The following SLC35A5 variants were observed in gnomAD, a reference collection of about 807,000 sequenced individuals.
The protein encoded by SLC35A5 is UDP-sugar transporter protein SLC35A5.
SLC35A5 carries 28 observed loss-of-function variants against 36.3 expected under a neutral mutation model. The ratio of observed to expected loss-of-function variants is 0.77; its 90% CI spans 0.57 to 1.06. The LOEUF is 1.06. Among genes scored for constraint, SLC35A5 ranks in the 50% least tolerant of loss-of-function variants. The pLI is 0.00. For synonymous variants in SLC35A5, 180 were observed against 173.7 expected (o/e 1.04, Z -0.29); for missense variants, 521 against 499.3 (o/e 1.04, Z -0.41).
chr3:112,582,548 A>G, intron 6 of SLC35A5, 123 bp from the exon 7 acceptor site: 1 of 615,340 alleles, frequency 1.6e-6, no homozygotes, highest in South Asian at 2.4e-5. Context: ...TATTTATTTA[A>G]TTTGACCAGA....
Position 112,569,281 on chromosome 3 carries a change from A to C in SLC35A5, c.229+12A>C. 1.0e-5 allele frequency: 16 copies of C among 1,605,402 alleles called. No homozygotes were observed. The highest frequency in any genetic ancestry group is 1.3e-5 in the Non-Finnish European group (15 of 1,172,562). On this transcript the variant is annotated intron_variant, in intron 3 of 6. Transcript: ENST00000492406. ...TGTTATAAAGAAAGGTAAGTCTTGA[A>C]ATGGTACTATATACTTGTTAATCAT...
intron 5 of SLC35A5, among the ~76,000 whole-genome samples, chr3:112,576,884 CTTT>C (rs1280069928): frequency 7.9e-5 from 12 of 152,072 alleles, no homozygotes; most frequent in Non-Finnish European, 1.6e-4. Flanking sequence ...ATTTGATGGT[CTTT>C]TTGCCCTTTG....
At position 112,569,380 on chromosome 3, in the gene SLC35A5, A is replaced by C; in HGVS notation, c.229+111A>C. The C allele has an allele frequency of 3.8e-6, 3 of 783,886 alleles. No homozygotes were observed. The South Asian group carries it at 5.0e-5, about 13-fold the overall frequency. 48.6% of individuals were successfully genotyped at this position (783,886 alleles called of 1,614,324 possible). ...TTAGTCCATTAAATTTTATATGAGGAAGCTAAGATACAAACATAAGTATGT... is the reference window on the plus strand; with the variant it reads ...TTAGTCCATTAAATTTTATATGAGGCAGCTAAGATACAAACATAAGTATGT... On this transcript the variant is annotated intron_variant, in intron 3 of 6. Coordinates refer to ENST00000492406, the MANE Select transcript of SLC35A5 (RefSeq NM_017945.5).
chr3:112,581,039 G>A lies in SLC35A5; in HGVS notation c.922G>A (p.Ala308Thr), dbSNP rs1043003748. ...FFYGHSAFSV[A>T]LIFVTAFQGL... ...TTATGGCCACAGTGCATTTTCAGTA[G>A]CCCTTATTTTTGTAACTGCATTCCA... is the stretch of plus-strand genomic sequence containing the variant. The change falls in exon 6 of 7, where the codon GCC becomes ACC. Residue 308 changes from alanine to threonine, a missense_variant. Ala to Thr is a moderately conservative substitution (Grantham distance 58). Coordinates refer to ENST00000492406, the MANE Select transcript of SLC35A5 (RefSeq NM_017945.5). 1.2e-6 allele frequency: 2 copies of A among 1,613,890 alleles called. No individual in the cohort carries two copies. Among genetic ancestry groups the A allele is most frequent in the Non-Finnish European group, 1.7e-6 (2 of 1,179,960 alleles).
chr3:112,565,020 CAT>C (rs893316203), intron 2 of SLC35A5, among the ~76,000 whole-genome samples: 1 of 152,198 alleles, frequency 6.6e-6, no homozygotes, highest in Non-Finnish European at 1.5e-5. Context: ...ATTGAGGACA[CAT>C]ACAATCATGA....
At chr3:112,570,910 A>AC (rs957085574) in intron 4 of SLC35A5, among the ~76,000 whole-genome samples, 1 of 152,128 alleles carries the variant, frequency 6.6e-6, no homozygotes, top group Non-Finnish European at 1.5e-5. Flanking sequence ...TGCTCCCTAG[A>AC]CCAAGAAATC....
chr3:112,573,426 T>A (rs1459895651), intron 4 of SLC35A5, among the ~76,000 whole-genome samples: 1 of 152,162 alleles, frequency 6.6e-6, no homozygotes, highest in African/African-American at 2.4e-5. Context: ...TTACTGCAGT[T>A]CAACCAGGAA....
At chr3:112,578,056 A>G (rs1934745589) in intron 5 of SLC35A5, among the ~76,000 whole-genome samples, 1 of 152,238 alleles carries the variant, frequency 6.6e-6, no homozygotes, top group South Asian at 2.1e-4. Flanking sequence ...AATCATATAC[A>G]TAAGTATATA....
At chr3:112,561,646 G>A (rs1188584936), upstream of SLC35A5, 12 of 1,042,402 alleles carry the variant, frequency 1.2e-5, no homozygotes, top group East Asian at 1.4e-4. Flanking sequence ...CCGGCTGGCA[G>A]CACCCGAGGG....
chr3:112,574,035 G>C, intron 5 of SLC35A5, 79 bp downstream of exon 5: 1 of 1,246,258 alleles, frequency 8.0e-7, no homozygotes, highest in Non-Finnish European at 1.2e-6. Context: ...CCAGAACACT[G>C]AGCCGTCAGA....
rs1934322948 is a variant in SLC35A5 at position 112,569,164 on chromosome 3, A to G, written c.131-7A>G. The G allele has an allele frequency of 1.2e-6, 2 of 1,605,376 alleles. No individual in the cohort carries two copies. Among genetic ancestry groups the G allele is most frequent in the South Asian group, 1.1e-5 (1 of 90,594 alleles). ...TATAGTTAAAAAACATTTCTGTTAC[A>G]TTTCAGAAAACAAGTATGATTATCT... On this transcript the variant is annotated splice_region_variant and splice_polypyrimidine_tract_variant and intron_variant, in intron 2 of 6. Transcript: ENST00000492406.
chr3:112,566,876 G>C (rs1017154657), intron 2 of SLC35A5, among the ~76,000 whole-genome samples: 1 of 152,154 alleles, frequency 6.6e-6, no homozygotes, highest in Non-Finnish European at 1.5e-5. Context: ...TTTCAGATGC[G>C]AGAGTTTTGA....
At chr3:112,564,249 T>C (rs1384886932) in intron 2 of SLC35A5, 1 of 152,116 alleles carries the variant, frequency 6.6e-6, no homozygotes, top group African/African-American at 2.4e-5. Flanking sequence ...TCCATTAGTA[T>C]TTATTGATCA....
At position 112,569,151 on chromosome 3, in the gene SLC35A5, A is replaced by G; in HGVS notation, c.131-20A>G. The G allele has an allele frequency of 1.9e-6, 3 of 1,577,720 alleles. No individual in the cohort carries two copies. The highest frequency in any genetic ancestry group is 2.6e-6 in the Non-Finnish European group (3 of 1,148,292). On this transcript the variant is annotated intron_variant, in intron 2 of 6. Coordinates refer to ENST00000492406, the MANE Select transcript of SLC35A5 (RefSeq NM_017945.5). ...ATGGAATAAAATATATAGTTAAAAAACATTTCTGTTACATTTCAGAAAACA... is the reference window on the plus strand; with the variant it reads ...ATGGAATAAAATATATAGTTAAAAAGCATTTCTGTTACATTTCAGAAAACA...
At chr3:112,567,102 T>G (rs1934230426) in intron 2 of SLC35A5, among the ~76,000 whole-genome samples, 1 of 151,910 alleles carries the variant, frequency 6.6e-6, no homozygotes, top group South Asian at 2.1e-4. Flanking sequence ...GGCGGGCACC[T>G]GTAGTCCCAG....
intron 3 of SLC35A5, 109 bp from the exon 4 acceptor site, chr3:112,570,431 G>A (rs535119067): frequency 1.4e-5 from 18 of 1,270,900 alleles, no homozygotes; most frequent in South Asian, 9.4e-5. Context: ...ATGGAGGCAC[G>A]TTTATAAAGC....
rs963968049 is a variant in SLC35A5, at chr3:112,585,071, C to T, written c.*2335C>T. 1.3e-5 allele frequency: 2 copies of T among 151,356 alleles called. No individual in the cohort carries two copies. Among genetic ancestry groups the T allele is most frequent in the Admixed American group, 6.6e-5 (1 of 15,228 alleles). 9.4% of individuals were successfully genotyped at this position (151,356 alleles called of 1,614,324 possible). On this transcript the variant is annotated 3_prime_UTR_variant, in exon 7 of 7. Transcript: ENST00000492406. ...TGCTGCTACAAAGAAATACCCGAGACTGGGTAATCTATAAAGAAAAGGGGT... is the reference window on the plus strand; with the variant it reads ...TGCTGCTACAAAGAAATACCCGAGATTGGGTAATCTATAAAGAAAAGGGGT...
At chr3:112,566,640 A>T (rs1422251880) in intron 2 of SLC35A5, among the ~76,000 whole-genome samples, 5 of 152,234 alleles carry the variant, frequency 3.3e-5, no homozygotes, top group Admixed American at 1.3e-4. Flanking sequence ...AGACTGAGAA[A>T]GAATGGCAAC....
chr3:112,580,078 T>G (rs967992086), intron 5 of SLC35A5, among the ~76,000 whole-genome samples: 6 of 152,294 alleles, frequency 3.9e-5, no homozygotes, highest in Admixed American at 2.0e-4. Flanking sequence ...TTTTGGGTTA[T>G]GGACACCTTT....
Sources: allele counts gnomAD v4.1 joint callset (sites outside exome capture counted in the v4.1 genomes callset), GRCh38; gene constraint gnomAD v4.1.1; transcripts MANE v1.5; gene names NCBI Gene and HGNC (gene_info 2026-07-23, HGNC 2026-07-21).